The following SERPINI1 variants were observed in gnomAD, a reference collection of about 807,000 sequenced individuals.
SERPINI1 encodes neuroserpin.
A neutral mutation model predicts 41.1 loss-of-function variants in SERPINI1; 19 were observed. That is an observed-to-expected ratio of 0.46 (90% CI 0.32 to 0.68). The LOEUF (loss-of-function observed/expected upper bound fraction) is 0.68, where lower values mean the gene tolerates loss of function less well. Ranked by LOEUF, SERPINI1 falls within the 30% of genes least tolerant of loss-of-function variation. SERPINI1 has a pLI of 0.03. For missense variants in SERPINI1, 460 were observed against 479.2 expected (o/e 0.96, Z 0.37); for synonymous variants, 138 against 156.6 (o/e 0.88, Z 0.89).
chr3:167,816,083 T>C (rs113994358), intron 6 of SERPINI1, among the ~76,000 whole-genome samples: 3,022 of 152,140 alleles, frequency 0.02, 95 homozygotes, highest in African/African-American at 0.068. Flanking sequence ...TCACCCTGTG[T>C]CCAGGCTGGA....
chr3:167,811,473 AAAG>A (rs3061446), intron 6 of SERPINI1, among the ~76,000 whole-genome samples: 9,263 of 151,970 alleles, frequency 0.061, 314 homozygotes, highest in Admixed American at 0.074. Context: ...AAAAAAAGAA[AAAG>A]AAGAGAAATG....
chr3:167,816,956 A>G (rs1423969501), intron 6 of SERPINI1, among the ~76,000 whole-genome samples: 2 of 152,082 alleles, frequency 1.3e-5, no homozygotes, highest in Non-Finnish European at 2.9e-5. Context: ...AATGGAAGGA[A>G]GCAAAGGCAG....
chr3:167,768,249 T>A (rs1434821840), intron 1 of SERPINI1, among the ~76,000 whole-genome samples: 1 of 152,226 alleles, frequency 6.6e-6, no homozygotes, highest in Non-Finnish European at 1.5e-5. Flanking sequence ...GCTTATGACT[T>A]GCTGATGGCT....
intron 1 of SERPINI1, among the ~76,000 whole-genome samples, chr3:167,785,990 A>G (rs1197151647): frequency 9.2e-5 from 14 of 152,240 alleles, no homozygotes; most frequent in Admixed American, 9.2e-4. Context: ...ATCACCGAGT[A>G]TACTTACACA....
rs1270774232 is a variant in SERPINI1, at chr3:167,779,748, A to G, written c.-18-9363A>G. On this transcript the variant is annotated intron_variant, in intron 1 of 8. Transcript: ENST00000446050. ...TTTGATGTACCTGGCCATTTTCTCA[A>G]GTTCATGTTATTTGAGAGATACATG... Among the ~76,000 whole-genome samples, 9 of 152,148 alleles carry G rather than the reference A, an allele frequency of 5.9e-5. No individual in the cohort carries two copies. In the South Asian group the frequency reaches 1.9e-3, roughly 32 times the overall value.
chr3:167,741,344 TC>T (rs1725671857), intron 1 of SERPINI1, among the ~76,000 whole-genome samples: 1 of 152,208 alleles, frequency 6.6e-6, no homozygotes, highest in Non-Finnish European at 1.5e-5. Flanking sequence ...AGCTCAAATG[TC>T]ACACAGTGAT....
At chr3:167,822,868 C>G (rs1712383931) in intron 6 of SERPINI1, 118 bp from the exon 7 acceptor site, 1 of 678,976 alleles carries the variant, frequency 1.5e-6, no homozygotes, top group African/African-American at 1.8e-5. Flanking sequence ...TTAACATTAT[C>G]TCCTAGGTTT....
intron 6 of SERPINI1, among the ~76,000 whole-genome samples, chr3:167,817,672 A>G (rs1712151542): frequency 6.6e-6 from 1 of 151,878 alleles, no homozygotes; most frequent in African/African-American, 2.4e-5. Flanking sequence ...ATCTCGGCTC[A>G]CTGCAAGCTC....
chr3:167,749,297 T>A (rs1230951166), intron 1 of SERPINI1, among the ~76,000 whole-genome samples: 1 of 151,382 alleles, frequency 6.6e-6, no homozygotes, highest in African/African-American at 2.5e-5. Context: ...GAACATTTTA[T>A]TTTTTGGTTT....
chr3:167,751,566 A>G (rs936111032), intron 1 of SERPINI1, among the ~76,000 whole-genome samples: 2 of 152,180 alleles, frequency 1.3e-5, no homozygotes, highest in Non-Finnish European at 2.9e-5. Flanking sequence ...AAGCCAGATG[A>G]AAAATTTGAG....
At chr3:167,762,000 A>C (rs1199068128) in intron 1 of SERPINI1, among the ~76,000 whole-genome samples, 1 of 152,166 alleles carries the variant, frequency 6.6e-6, no homozygotes, top group Admixed American at 6.6e-5. Flanking sequence ...TTTCCCTATA[A>C]GTAGAATGCC....
intron 5 of SERPINI1, among the ~76,000 whole-genome samples, chr3:167,798,016 A>G (rs1727772262): frequency 6.6e-6 from 1 of 152,126 alleles, no homozygotes; most frequent in African/African-American, 2.4e-5. Context: ...AAATCCATGA[A>G]TTAAGTGCAG....
At position 167,792,855 on chromosome 3, in the gene SERPINI1, C is replaced by A. The variant is rs76236854; in HGVS notation, c.676+71C>A. On this transcript the variant is annotated intron_variant, in intron 4 of 8. Coordinates refer to ENST00000446050, the MANE Select transcript of SERPINI1 (RefSeq NM_001122752.2). ...ACAGATTTCTAAGAAAAACATGAAG[C>A]ATTCATATTCAAACTCCTTGTCAAT... The A allele has an allele frequency of 2.2e-3, 2,920 of 1,313,470 alleles. 50 individuals are homozygous for A. In the African/African-American group the frequency reaches 0.038, roughly 17 times the overall value. The allele number at this position is 1,313,470 out of a possible 1,614,324, so 81.4% of individuals were successfully genotyped here.
intron 6 of SERPINI1, among the ~76,000 whole-genome samples, chr3:167,822,113 C>G (rs1712354263): frequency 6.6e-6 from 1 of 152,224 alleles, no homozygotes; most frequent in Admixed American, 6.5e-5. Flanking sequence ...CATGGCTCAG[C>G]CACGCTGACA....
chr3:167,748,880 C>T (rs774996239), intron 1 of SERPINI1, among the ~76,000 whole-genome samples: 10 of 151,918 alleles, frequency 6.6e-5, no homozygotes, highest in Non-Finnish European at 1.5e-4. Context: ...TTCCCAGCCT[C>T]CCTGGCCTCT....
intron 1 of SERPINI1, among the ~76,000 whole-genome samples, chr3:167,763,272 A>C (rs1345602714): frequency 6.6e-6 from 1 of 151,982 alleles, no homozygotes; most frequent in Non-Finnish European, 1.5e-5. Context: ...CAAAGGAATA[A>C]GTGGTCTGGC....
chr3:167,803,076 A>G (rs1027816781), intron 5 of SERPINI1, among the ~76,000 whole-genome samples: 2 of 151,636 alleles, frequency 1.3e-5, no homozygotes, highest in Admixed American at 6.6e-5. Flanking sequence ...GAATTGAACA[A>G]TGAGAACACA....
chr3:167,749,458 C>T (rs1460466894), intron 1 of SERPINI1, among the ~76,000 whole-genome samples: 2 of 152,182 alleles, frequency 1.3e-5, no homozygotes, highest in African/African-American at 4.8e-5. Context: ...TAATTGCTAT[C>T]TTTATACAAG....
chr3:167,747,510 A>G (rs1385610679), intron 1 of SERPINI1, among the ~76,000 whole-genome samples: 6 of 152,082 alleles, frequency 3.9e-5, no homozygotes, highest in Non-Finnish European at 1.5e-5. Flanking sequence ...TGGGCGTGGC[A>G]GCGGGCGCCT....
Sources: allele counts gnomAD v4.1 joint callset (sites outside exome capture counted in the v4.1 genomes callset), GRCh38; gene constraint gnomAD v4.1.1; transcripts MANE v1.5; gene names NCBI Gene and HGNC (gene_info 2026-07-23, HGNC 2026-07-21).